The following ATP6V1H variants were observed in gnomAD, a reference collection of about 807,000 sequenced individuals.
The protein encoded by ATP6V1H is ATPase H+ transporting V1 subunit H.
A neutral mutation model predicts 71.7 loss-of-function variants in ATP6V1H; 39 were observed. The ratio of observed to expected loss-of-function variants is 0.54; its 90% CI spans 0.42 to 0.71. The LOEUF is 0.71. Ranked by LOEUF, ATP6V1H falls within the 30% of genes least tolerant of loss-of-function variation. The pLI is 0.00. For synonymous variants in ATP6V1H, 192 were observed against 199.3 expected (o/e 0.96, Z 0.31); for missense variants, 509 against 594.9 (o/e 0.86, Z 1.50).
chr8:53,835,500 A>G (rs762990573), intron 2 of ATP6V1H, among the ~76,000 whole-genome samples: 1 of 152,222 alleles, frequency 6.6e-6, no homozygotes, highest in Non-Finnish European at 1.5e-5. Flanking sequence ...ATTATTACAT[A>G]TTCAAAAATC....
At position 53,811,213 on chromosome 8, in the gene ATP6V1H, A is replaced by C; in HGVS notation, c.530T>G (p.Leu177Arg). The stretch of plus-strand genomic sequence containing the variant: ...TTCAACAGCAACACCGCTACCACGC[A>C]GTTTCTATTACGAAATAAATAACTC... ...WIKTQLSSQK[L>R]RGSGVAVETG... is the part of the protein sequence containing the mutation. The change falls in exon 7 of 14, where the codon CTG (leucine) becomes CGG (arginine). Residue 177 changes from leucine to arginine, a missense_variant. By Grantham distance (102) the Leu-to-Arg change is moderately radical. This residue lies in a region of ATP6V1H where 297 missense variants were observed against 303.3 expected (regional missense o/e 0.98). Coordinates refer to ENST00000359530, the MANE Select transcript of ATP6V1H (RefSeq NM_015941.4). 6.2e-7 allele frequency: 1 copy of C among 1,612,852 alleles called. No homozygotes were observed. Among genetic ancestry groups the C allele is most frequent in the Non-Finnish European group, 8.5e-7 (1 of 1,179,066 alleles).
At chr8:53,805,029 C>A (rs1250450615) in intron 7 of ATP6V1H, among the ~76,000 whole-genome samples, 1 of 152,118 alleles carries the variant, frequency 6.6e-6, no homozygotes, top group Non-Finnish European at 1.5e-5. Context: ...AATTGAGGAA[C>A]TGCAAAATAA....
At position 53,795,856 on chromosome 8, in the gene ATP6V1H, CA is replaced by C. The variant is rs745465778; in HGVS notation, c.678-18del. On this transcript the variant is annotated intron_variant, in intron 8 of 13. Coordinates refer to ENST00000359530, the MANE Select transcript of ATP6V1H (RefSeq NM_015941.4). ...CCCATTATGCTGAAAAACAAACAAA[CA>C]AAAAAAACACATTTACAAAACATTT... 7.0e-6 allele frequency: 11 copies of C among 1,566,286 alleles called. No homozygotes were observed. The highest frequency in any genetic ancestry group is 2.4e-5 in the South Asian group (2 of 84,606).
rs1362141701 is a variant in ATP6V1H, at chr8:53,781,553, C to G, written c.871-9386G>C. 2.6e-5 allele frequency among the ~76,000 whole-genome samples: 4 copies of G among 152,274 alleles called. No homozygotes were observed. The South Asian group carries it at 6.2e-4, about 24-fold the overall frequency. On this transcript the variant is annotated intron_variant, in intron 9 of 13. Coordinates refer to ENST00000359530, the MANE Select transcript of ATP6V1H (RefSeq NM_015941.4). The stretch of plus-strand genomic sequence containing the variant: ...GAAGTTCTTTAGTTTAATTAGACAC[C>G]ATTTGTCAATTTTGTCTTTTGTTGC...
At chr8:53,829,904 C>T (rs1486407327) in intron 3 of ATP6V1H, among the ~76,000 whole-genome samples, 1 of 152,152 alleles carries the variant, frequency 6.6e-6, no homozygotes, top group South Asian at 2.1e-4. Flanking sequence ...ACAAGAGCAA[C>T]AAGAGTACCA....
chr8:53,719,740 T>C (rs1806551123), intron 13 of ATP6V1H, among the ~76,000 whole-genome samples: 1 of 152,126 alleles, frequency 6.6e-6, no homozygotes, highest in Non-Finnish European at 1.5e-5. Context: ...CTTCTCCCTT[T>C]TACAAAAGAG....
chr8:53,837,404 A>T (rs1279364733), intron 2 of ATP6V1H, among the ~76,000 whole-genome samples: 1 of 152,044 alleles, frequency 6.6e-6, no homozygotes, highest in Non-Finnish European at 1.5e-5. Context: ...CCTGCACTCC[A>T]GTGAGGAAAA....
At chr8:53,787,118 A>G (rs1399933155) in intron 9 of ATP6V1H, among the ~76,000 whole-genome samples, 1 of 152,248 alleles carries the variant, frequency 6.6e-6, no homozygotes, top group African/African-American at 2.4e-5. Flanking sequence ...GGTTACTAAC[A>G]AACAGTTCAC....
chr8:53,784,881 C>A (rs1809313211), intron 9 of ATP6V1H, among the ~76,000 whole-genome samples: 1 of 152,220 alleles, frequency 6.6e-6, no homozygotes, highest in South Asian at 2.1e-4. Context: ...TCTCTTCTTG[C>A]TTGTAGAGTT....
At chr8:53,747,923 T>C (rs1214213562) in intron 12 of ATP6V1H, among the ~76,000 whole-genome samples, 2 of 150,348 alleles carry the variant, frequency 1.3e-5, no homozygotes, top group African/African-American at 4.9e-5. Flanking sequence ...CCTAGCACTT[T>C]GGGAGGCCAA....
At chr8:53,760,178 A>G (rs1159052272) in intron 11 of ATP6V1H, among the ~76,000 whole-genome samples, 2 of 152,210 alleles carry the variant, frequency 1.3e-5, no homozygotes, top group Non-Finnish European at 2.9e-5. Flanking sequence ...CAGCTTCCCA[A>G]TAATATCTCA....
intron 1 of ATP6V1H, among the ~76,000 whole-genome samples, chr8:53,842,064 T>G (rs1033053938): frequency 6.6e-6 from 1 of 152,212 alleles, no homozygotes; most frequent in Non-Finnish European, 1.5e-5. Context: ...TTTATACAAT[T>G]GTGGTTAACT....
chr8:53,730,220 T>C (rs999201354), intron 13 of ATP6V1H, among the ~76,000 whole-genome samples: 49 of 152,244 alleles, frequency 3.2e-4, no homozygotes, highest in African/African-American at 1.2e-3. Flanking sequence ...TTAGATTCTG[T>C]GAGCCACCTG....
intron 9 of ATP6V1H, among the ~76,000 whole-genome samples, chr8:53,789,972 T>G (rs1338364822): frequency 6.6e-6 from 1 of 152,146 alleles, no homozygotes; most frequent in Non-Finnish European, 1.5e-5. Context: ...GCAAAGACAT[T>G]GAGTCAAATG....
At chr8:53,779,400 C>T (rs150490728) in intron 9 of ATP6V1H, among the ~76,000 whole-genome samples, 1 of 151,808 alleles carries the variant, frequency 6.6e-6, no homozygotes, top group African/African-American at 2.4e-5. Context: ...GGAAATTTAA[C>T]AATGCACTCC....
At chr8:53,838,629 T>A (rs893809282) in intron 2 of ATP6V1H, among the ~76,000 whole-genome samples, 1 of 152,216 alleles carries the variant, frequency 6.6e-6, no homozygotes, top group East Asian at 1.9e-4. Flanking sequence ...TGAGCAAGGA[T>A]GGCATTTTAT....
At chr8:53,826,109 G>A (rs1228106741) in intron 4 of ATP6V1H, among the ~76,000 whole-genome samples, 3 of 152,176 alleles carry the variant, frequency 2.0e-5, no homozygotes, top group Non-Finnish European at 4.4e-5. Flanking sequence ...ATCTAAAGAT[G>A]TTCAACCTCG....
At chr8:53,743,486 ATCAT>A (rs1408490992) in intron 13 of ATP6V1H, 87 bp downstream of exon 13, 10 of 863,188 alleles carry the variant, frequency 1.2e-5, no homozygotes, top group African/African-American at 1.0e-4. Flanking sequence ...TTTAAAAATG[ATCAT>A]TCAAAGCATT....
intron 4 of ATP6V1H, among the ~76,000 whole-genome samples, chr8:53,828,072 A>G (rs1014660213): frequency 3.9e-5 from 6 of 152,160 alleles, no homozygotes; most frequent in African/African-American, 1.4e-4. Flanking sequence ...ACGAACAAAC[A>G]CGTGTGTGTG....
Sources: gnomAD v4.1 joint callset for allele counts (sites outside exome capture counted in the v4.1 genomes callset) on GRCh38, gnomAD v4.1.1 for gene constraint, gnomAD v4.1.1 regional missense constraint, MANE v1.5 for transcripts, NCBI Gene and HGNC (gene_info 2026-07-23, HGNC 2026-07-21) for gene names.